CHP1: variants seen among roughly 807,000 people sequenced by gnomAD.
CHP1 encodes calcineurin B homologous protein 1.
Under a neutral mutation model 27.4 loss-of-function variants are expected in CHP1, and 11 were observed. That is an observed-to-expected ratio of 0.40 (90% CI 0.25 to 0.67). The LOEUF is 0.67. Among genes scored for constraint, CHP1 ranks in the 30% least tolerant of loss-of-function variants. The pLI is 0.38. For missense variants in CHP1, 169 were observed against 251.3 expected (o/e 0.67, Z 2.22); for synonymous variants, 89 against 87.4 (o/e 1.02, Z -0.10).
intron 4 of CHP1, among the ~76,000 whole-genome samples, chr15:41,266,659 A>C (rs2047462457): frequency 6.6e-6 from 1 of 152,200 alleles, no homozygotes; most frequent in Non-Finnish European, 1.5e-5. Flanking sequence ...TGAATGGATA[A>C]ATAAAATGTT....
intron 2 of CHP1, among the ~76,000 whole-genome samples, chr15:41,243,949 C>A (rs987377998): frequency 2.0e-5 from 3 of 152,244 alleles, no homozygotes; most frequent in African/African-American, 7.2e-5. Context: ...GCCTTAATCC[C>A]AGCACTTTGG....
intron 4 of CHP1, among the ~76,000 whole-genome samples, chr15:41,268,750 C>A (rs528775395): frequency 6.6e-6 from 1 of 151,716 alleles, no homozygotes; most frequent in African/African-American, 2.4e-5. Context: ...GTTAGGAGAT[C>A]GAGACCATCC....
chr15:41,243,503 C>T (rs2047317580), intron 1 of CHP1, among the ~76,000 whole-genome samples, 164 bp from the exon 2 acceptor site: 2 of 152,174 alleles, frequency 1.3e-5, no homozygotes, highest in African/African-American at 4.8e-5. Flanking sequence ...TATTCTCTAA[C>T]TCCTTTCATT....
rs2047532185 is a variant in CHP1 at position 41,278,866 on chromosome 15, A to G, written c.511A>G (p.Ile171Val). 5.6e-6 allele frequency: 9 copies of G among 1,614,184 alleles called. No homozygotes were observed. The highest frequency in any genetic ancestry group is 5.1e-6 in the Non-Finnish European group (6 of 1,180,022). The change falls in exon 6 of 7, where the codon ATA (isoleucine) becomes GTA (valine). Residue 171 changes from isoleucine (I) to valine (V), a missense_variant. Ile to Val is a conservative substitution (Grantham distance 29). Coordinates refer to ENST00000334660, the MANE Select transcript of CHP1 (RefSeq NM_007236.5). ...QEADQDGDSA[I>V]SFTEFVKVLE... is the part of the protein sequence containing the mutation. ...GGCTGATCAGGATGGGGACAGTGCC[A>G]TATCTTTCACAGAATTTGTTAAGGT...
chr15:41,239,036 A>G (rs1374527436), intron 1 of CHP1, among the ~76,000 whole-genome samples: 2 of 152,168 alleles, frequency 1.3e-5, no homozygotes, highest in Non-Finnish European at 2.9e-5. Context: ...CAGTTCCAGT[A>G]CCTTTCTACA....
Position 41,278,796 on chromosome 15 carries a change from C to A in CHP1, c.441C>A (p.Ile147=), listed in dbSNP as rs147706117. 1 of 1,614,028 alleles carries A rather than the reference C, an allele frequency of 6.2e-7. No individual in the cohort carries two copies. The highest frequency in any genetic ancestry group is 1.3e-5 in the African/African-American group (1 of 74,912). Residue 147 remains isoleucine (I), a synonymous_variant, in exon 6 of 7, where the codon ATC becomes ATA. Transcript: ENST00000334660. Reference sequence around the variant, plus strand: ...TACGCATGATGGTCGGAGTAAATATCTCAGATGAGCAGCTGGGCAGCATCG... The same window carrying A: ...TACGCATGATGGTCGGAGTAAATATATCAGATGAGCAGCTGGGCAGCATCG... The part of the protein sequence containing the change: ...QVLRMMVGVN[I]SDEQLGSIAD...
chr15:41,240,151 T>G (rs970602344), intron 1 of CHP1, among the ~76,000 whole-genome samples: 13 of 152,164 alleles, frequency 8.5e-5, no homozygotes, highest in African/African-American at 2.9e-4. Context: ...TTTGTGGATT[T>G]TTTTGGTTTA....
chr15:41,239,442 C>T, intron 1 of CHP1, among the ~76,000 whole-genome samples: 1 of 151,770 alleles, frequency 6.6e-6, no homozygotes. Flanking sequence ...CTCACTCTGT[C>T]GCCCAGGCTG....
intron 3 of CHP1, among the ~76,000 whole-genome samples, chr15:41,262,308 T>C (rs1007669711): frequency 6.6e-6 from 1 of 152,174 alleles, no homozygotes; most frequent in Non-Finnish European, 1.5e-5. Flanking sequence ...AATTTTAAAA[T>C]ATCCCTTGGT....
intron 4 of CHP1, among the ~76,000 whole-genome samples, chr15:41,267,578 C>T (rs1170521886): frequency 6.6e-6 from 1 of 151,628 alleles, no homozygotes; most frequent in Non-Finnish European, 1.5e-5. Context: ...AGGAAAATTG[C>T]TTGAACCCGG....
chr15:41,279,126 G>T (rs183841445), intron 6 of CHP1, among the ~76,000 whole-genome samples: 1 of 151,190 alleles, frequency 6.6e-6, no homozygotes, highest in Admixed American at 6.6e-5. Flanking sequence ...CAGGAGAATC[G>T]CTTGAACCCA....
At chr15:41,240,935 C>T (rs913915658) in intron 1 of CHP1, among the ~76,000 whole-genome samples, 3 of 151,432 alleles carry the variant, frequency 2.0e-5, no homozygotes, top group Non-Finnish European at 2.9e-5. Context: ...TCACTGCAAC[C>T]TTCGCCTCCC....
chr15:41,273,487 T>G (rs2047501622), intron 5 of CHP1, among the ~76,000 whole-genome samples: 1 of 152,082 alleles, frequency 6.6e-6, no homozygotes, highest in Non-Finnish European at 1.5e-5. Context: ...GTTCAAGCGA[T>G]TCTCCTGACT....
At chr15:41,261,666 A>G (rs2140936407) in intron 3 of CHP1, among the ~76,000 whole-genome samples, 1 of 151,228 alleles carries the variant, frequency 6.6e-6, no homozygotes, top group East Asian at 2.0e-4. Context: ...AGACGATCCT[A>G]GCTAACACGG....
At chr15:41,241,813 T>C (rs914201834) in intron 1 of CHP1, among the ~76,000 whole-genome samples, 1 of 152,200 alleles carries the variant, frequency 6.6e-6, no homozygotes, top group South Asian at 2.1e-4. Flanking sequence ...TTCCCAACAC[T>C]ACAAGTACAT....
intron 5 of CHP1, among the ~76,000 whole-genome samples, chr15:41,276,778 A>G (rs1050092304): frequency 6.6e-6 from 1 of 152,216 alleles, no homozygotes; most frequent in Admixed American, 6.5e-5. Context: ...GGGATTTCAG[A>G]AAGCCCCACC....
intron 5 of CHP1, 108 bp from the exon 6 acceptor site, chr15:41,278,659 T>G: frequency 7.4e-7 from 1 of 1,350,978 alleles, no homozygotes; most frequent in South Asian, 1.3e-5. Context: ...TGACTGTATT[T>G]GAGGGCATCA....
In CHP1 at chr15:41,231,467, G is replaced by A. The variant is rs757713643; in HGVS notation, c.67+18G>A. ...GACCGGCTGTGAGTTCGGGTTGGGG[G>A]TGGGAACGCCGGGCGCCTCAGGCTG... On this transcript the variant is annotated intron_variant, in intron 1 of 6. Transcript: ENST00000334660. 24 of 1,593,494 alleles carry A rather than the reference G, an allele frequency of 1.5e-5. No individual in the cohort carries two copies. In the African/African-American group the frequency reaches 2.8e-4, roughly 19 times the overall value.
At chr15:41,267,650 A>C (rs1040966298) in intron 4 of CHP1, among the ~76,000 whole-genome samples, 3 of 151,504 alleles carry the variant, frequency 2.0e-5, no homozygotes, top group Non-Finnish European at 2.9e-5. Flanking sequence ...TGACAGAGCA[A>C]GACTCCGTCT....
Sources: allele counts gnomAD v4.1 joint callset (sites outside exome capture counted in the v4.1 genomes callset), GRCh38; gene constraint gnomAD v4.1.1; transcripts MANE v1.5; gene names NCBI Gene and HGNC (gene_info 2026-07-23, HGNC 2026-07-21).